KCNN1: variants seen among roughly 807,000 people sequenced by gnomAD.
KCNN1 encodes small conductance calcium-activated potassium channel protein 1.
Under a neutral mutation model 44.7 loss-of-function variants are expected in KCNN1, and 20 were observed. The ratio of observed to expected loss-of-function variants is 0.45; its 90% CI spans 0.32 to 0.65. The LOEUF is 0.65. Ranked by LOEUF, KCNN1 falls within the 30% of genes least tolerant of loss-of-function variation. The probability of loss-of-function intolerance (pLI) is 0.05; values close to 1 mark genes in which losing one functional copy is unlikely to be tolerated. For missense variants in KCNN1, 632 were observed against 785.3 expected (o/e 0.80, Z 2.33); for synonymous variants, 324 against 341.7 (o/e 0.95, Z 0.57).
At chr19:17,971,431 G>A (rs956624677) in intron 1 of KCNN1, among the ~76,000 whole-genome samples, 51 of 152,198 alleles carry the variant, frequency 3.4e-4, no homozygotes, top group African/African-American at 1.2e-3. Context: ...TTCCCTGCAA[G>A]GAGAAGGTGT....
intron 1 of KCNN1, among the ~76,000 whole-genome samples, chr19:17,973,383 C>T (rs931105882): frequency 2.6e-5 from 4 of 152,192 alleles, no homozygotes; most frequent in Admixed American, 6.5e-5. Flanking sequence ...TGGGTTCAAG[C>T]GATTCTTCTG....
In KCNN1 at chr19:17,975,086, T is replaced by C. The variant is rs1270337256; in HGVS notation, c.403-6T>C. ...TCCATCTGGCTGTGTCCTCTCTCTT[T>C]ACCAGGAGTCTCTGTACTCATTCGC... On this transcript the variant is annotated splice_region_variant and splice_polypyrimidine_tract_variant and intron_variant, in intron 2 of 9. Transcript: ENST00000684775. 1 of 1,611,914 alleles carries C rather than the reference T, an allele frequency of 6.2e-7. No individual in the cohort carries two copies. The highest frequency in any genetic ancestry group is 1.1e-5 in the South Asian group (1 of 91,042).
At chr19:17,966,514 C>T (rs1467050166), upstream of KCNN1, among the ~76,000 whole-genome samples, 1 of 152,164 alleles carries the variant, frequency 6.6e-6, no homozygotes, top group Non-Finnish European at 1.5e-5. Context: ...TTCCTGTCAT[C>T]CTGGAAATGG....
chr19:17,974,386 G>C lies in KCNN1; in HGVS notation c.402+96G>C. 1 of 1,371,784 alleles carries C rather than the reference G, an allele frequency of 7.3e-7. No individual in the cohort carries two copies. The allele number at this position is 1,371,784 out of a possible 1,614,324, so 85.0% of individuals were successfully genotyped here. A position where few individuals can be genotyped will look rare whatever the true frequency, so the allele number is the denominator to read the frequency against. On this transcript the variant is annotated intron_variant, in intron 2 of 9. Coordinates refer to ENST00000684775, the MANE Select transcript of KCNN1 (RefSeq NM_001386974.1). This position sits in a 1 kb window ranked among gnomAD's most constrained non-coding sequence, Gnocchi z 7.3. ...TTGGGGGTGGCAGGGCCCCCCGGGAGATAGGGAGTGTTAGGGGGCTCCCGG... is the reference window on the plus strand; with the variant it reads ...TTGGGGGTGGCAGGGCCCCCCGGGACATAGGGAGTGTTAGGGGGCTCCCGG...
intron 6 of KCNN1, among the ~76,000 whole-genome samples, chr19:17,988,766 C>T (rs542461099): frequency 1.3e-5 from 2 of 152,110 alleles, no homozygotes; most frequent in Admixed American, 1.3e-4. Flanking sequence ...CAAAAATTAG[C>T]CTGGCATGGT....
chr19:17,953,306 C>T (rs758688088), intron 1 of KCNN1, among the ~76,000 whole-genome samples: 4 of 152,194 alleles, frequency 2.6e-5, no homozygotes, highest in Non-Finnish European at 4.4e-5. Context: ...CGCAGCAACC[C>T]GCTGAGTGAC....
At chr19:17,956,139 T>C (rs1599991139) in intron 2 of KCNN1, among the ~76,000 whole-genome samples, 1 of 152,114 alleles carries the variant, frequency 6.6e-6, no homozygotes, top group African/African-American at 2.4e-5. Context: ...GGTTTCCCCA[T>C]GTTGGCCGGG....
At chr19:17,955,165 GGAGTTC>G (rs1248100031) in intron 2 of KCNN1, among the ~76,000 whole-genome samples, 1 of 150,690 alleles carries the variant, frequency 6.6e-6, no homozygotes, top group Non-Finnish European at 1.5e-5. Flanking sequence ...ATCGAGTCCA[GGAGTTC>G]GAGGCTGCAG....
intron 1 of KCNN1, among the ~76,000 whole-genome samples, chr19:17,971,149 G>A (rs1437087742): frequency 2.6e-5 from 4 of 152,120 alleles, no homozygotes; most frequent in Admixed American, 6.6e-5. Context: ...CTCCCAAAGT[G>A]CTGGGATTAC....
At chr19:17,994,651 C>A (rs2032920726) in intron 9 of KCNN1, among the ~76,000 whole-genome samples, 1 of 152,062 alleles carries the variant, frequency 6.6e-6, no homozygotes, top group Non-Finnish European at 1.5e-5. Flanking sequence ...TCAAGCAATT[C>A]TCGTGCTTCA....
At chr19:17,978,307 C>T (rs1459250719) in intron 3 of KCNN1, among the ~76,000 whole-genome samples, 2 of 150,162 alleles carry the variant, frequency 1.3e-5, no homozygotes, top group East Asian at 2.0e-4. Context: ...TTGTATTTTT[C>T]GTAGAGATGG....
intron 1 of KCNN1, chr19:17,951,523 C>G (rs2031406954): frequency 1.3e-5 from 2 of 152,284 alleles, no homozygotes; most frequent in Admixed American, 1.3e-4. Flanking sequence ...CCCTACCGAG[C>G]CAGACCCCGC....
In KCNN1 at chr19:17,993,033, T is replaced by C. The variant is rs780507351; in HGVS notation, c.1299-21T>C. 4.2e-5 allele frequency: 68 copies of C among 1,613,360 alleles called. No homozygotes were observed. The highest frequency in any genetic ancestry group is 4.9e-5 in the Non-Finnish European group (58 of 1,179,706). ...TAAAATTGCCTTGTGATTTTTCTCC[T>C]GCTCTGCCCGGTCCTGCCAGGGCTC... On this transcript the variant is annotated intron_variant, in intron 7 of 9. Transcript: ENST00000684775. The surrounding 1 kb of genome is among the most constrained non-coding windows in gnomAD (Gnocchi z 4.5).
chr19:17,994,671 G>A lies in KCNN1; in HGVS notation c.1377+1112G>A, dbSNP rs556533819. On this transcript the variant is annotated intron_variant, in intron 9 of 9. Transcript: ENST00000684775. Reference sequence around the variant, plus strand: ...CAATTCTCGTGCTTCAGCCTCCAGAGTAGCTGGGATTACAGGCATGCACCA... The same window carrying A: ...CAATTCTCGTGCTTCAGCCTCCAGAATAGCTGGGATTACAGGCATGCACCA... Among the ~76,000 whole-genome samples, 6 of 152,238 alleles carry A rather than the reference G, an allele frequency of 3.9e-5. No homozygotes were observed. The South Asian group carries it at 1.2e-3, about 32-fold the overall frequency.
intron 7 of KCNN1, among the ~76,000 whole-genome samples, chr19:17,991,301 A>G (rs893865086): frequency 2.0e-5 from 3 of 152,140 alleles, no homozygotes; most frequent in Non-Finnish European, 4.4e-5. Context: ...AAATAAAAAA[A>G]TTAGCCCAGT....
At position 17,973,936 on chromosome 19, in the gene KCNN1, C is replaced by G. The variant is rs540542401; in HGVS notation, c.48C>G (p.Ser16Arg). ...YNGSVGRPLG[S>R]GPGALGRDPP... ...GCAGCGTGGGGCGGCCGCTGGGCAG[C>G]GGGCCGGGCGCCCTGGGACGAGACC... Residue 16 changes from serine to arginine, a missense_variant, in exon 2 of 10, where the codon AGC becomes AGG. This residue lies in a region of KCNN1 where 235 missense variants were observed against 224.0 expected (regional missense o/e 1.05). Coordinates refer to ENST00000684775, the MANE Select transcript of KCNN1 (RefSeq NM_001386974.1). The G allele has an allele frequency of 6.4e-7, 1 of 1,555,600 alleles. No homozygotes were observed. The highest frequency in any genetic ancestry group is 8.7e-7 in the Non-Finnish European group (1 of 1,152,016).
At chr19:17,959,435 T>C (rs1199339694) in intron 2 of KCNN1, among the ~76,000 whole-genome samples, 4 of 152,002 alleles carry the variant, frequency 2.6e-5, no homozygotes, top group Admixed American at 2.6e-4. Context: ...TTTTTGTATT[T>C]TTAATAGAGA....
intron 1 of KCNN1, chr19:17,952,094 T>A (rs2031424850): frequency 6.6e-6 from 1 of 152,094 alleles, no homozygotes; most frequent in African/African-American, 2.4e-5. Flanking sequence ...CATCCCTGCT[T>A]TAGAGGAGAC....
intron 9 of KCNN1, among the ~76,000 whole-genome samples, chr19:17,997,417 A>G (rs1347310869): frequency 2.0e-5 from 3 of 152,138 alleles, no homozygotes; most frequent in Non-Finnish European, 4.4e-5. Context: ...TGTGGCCACT[A>G]GACCCCCAGG....
Sources: gnomAD v4.1 joint callset for allele counts (sites outside exome capture counted in the v4.1 genomes callset) on GRCh38, gnomAD v4.1.1 for gene constraint, gnomAD v4.1.1 regional missense constraint, Gnocchi (gnomAD v3.1) non-coding constraint, MANE v1.5 for transcripts, NCBI Gene and HGNC (gene_info 2026-07-23, HGNC 2026-07-21) for gene names.